Variants in GRIA3 observed in about 807,000 individuals in gnomAD.
GRIA3 encodes the protein glutamate ionotropic receptor AMPA type subunit 3.
Under a neutral mutation model 63.0 loss-of-function variants are expected in GRIA3, and 3 were observed. The ratio of observed to expected loss-of-function variants is 0.05; its 90% CI spans 0.02 to 0.12. GRIA3 has a LOEUF of 0.12. GRIA3 is among the 10% of genes least tolerant of loss of function. The probability of loss-of-function intolerance (pLI) is 1.00; values close to 1 mark genes in which losing one functional copy is unlikely to be tolerated. For missense variants in GRIA3, 347 were observed against 700.9 expected (o/e 0.50, Z 5.70); for synonymous variants, 274 against 257.9 (o/e 1.06, Z -0.60).
chrX:123,339,280 C>T (rs942530710), intron 4 of GRIA3, among the ~76,000 whole-genome samples: 5 of 111,776 alleles, frequency 4.5e-5, no homozygotes, highest in African/African-American at 1.3e-4. Context: ...TCTTCTCAAC[C>T]GCATGAAAAA....
In GRIA3 at chrX:123,209,513, T is replaced by C. The variant is rs375267476; in HGVS notation, c.268+23523T>C. On this transcript the variant is annotated intron_variant, in intron 2 of 15. Transcript: ENST00000620443. ...TCTTCTATGCAACTAACTACACAAC[T>C]GATTCTAGTACCAGCCAGGATATCA... Among the ~76,000 whole-genome samples the C allele has an allele frequency of 1.3e-4, 14 of 111,750 alleles. No individual in the cohort carries two copies. The East Asian group carries it at 2.5e-3, about 20-fold the overall frequency.
chrX:123,255,762 A>G (rs1250362724), intron 3 of GRIA3, among the ~76,000 whole-genome samples: 1 of 109,602 alleles, frequency 9.1e-6, no homozygotes, highest in Non-Finnish European at 1.9e-5. Context: ...ATGTAACTTT[A>G]TATTTTTCAC....
At chrX:123,471,171 T>C (rs1329376943) in intron 13 of GRIA3, among the ~76,000 whole-genome samples, 4 of 111,418 alleles carry the variant, frequency 3.6e-5, no homozygotes, top group African/African-American at 1.3e-4. Flanking sequence ...TACTCAGGTC[T>C]TCCTCCCAAG....
At chrX:123,251,709 C>T (rs2044391268) in intron 2 of GRIA3, among the ~76,000 whole-genome samples, 1 of 111,907 alleles carries the variant, frequency 8.9e-6, no homozygotes. Context: ...GCTGGGATTA[C>T]AGGCGTGAGC....
chrX:123,422,637 T>C (rs2045569365), intron 11 of GRIA3, among the ~76,000 whole-genome samples: 1 of 111,892 alleles, frequency 8.9e-6, no homozygotes, highest in Admixed American at 9.5e-5. Flanking sequence ...CTGGGGCAAA[T>C]CACTAAACCT....
intron 2 of GRIA3, among the ~76,000 whole-genome samples, chrX:123,251,647 G>A (rs2044390769): frequency 9.0e-6 from 1 of 111,245 alleles, no homozygotes; most frequent in South Asian, 3.9e-4. Context: ...TGTTAGCCAG[G>A]GTGGTCTCGA....
intron 5 of GRIA3, among the ~76,000 whole-genome samples, chrX:123,365,728 C>T (rs2045206160): frequency 9.0e-6 from 1 of 111,499 alleles, no homozygotes; most frequent in African/African-American, 3.3e-5. Flanking sequence ...ATGCTTGGGC[C>T]TCATACTCCG....
chrX:123,433,563 A>G (rs766302092), intron 12 of GRIA3, among the ~76,000 whole-genome samples: 10 of 112,145 alleles, frequency 8.9e-5, no homozygotes, highest in Non-Finnish European at 1.7e-4. Flanking sequence ...GTCTTACCCC[A>G]ATGCCGGATG....
intron 12 of GRIA3, among the ~76,000 whole-genome samples, chrX:123,443,206 C>A (rs2045685814): frequency 9.0e-6 from 1 of 111,677 alleles, no homozygotes; most frequent in Non-Finnish European, 1.9e-5. Flanking sequence ...AACAATAACA[C>A]ACCCTGAAAA....
At chrX:123,443,031 C>T (rs1201235284) in intron 12 of GRIA3, among the ~76,000 whole-genome samples, 3 of 110,334 alleles carry the variant, frequency 2.7e-5, no homozygotes, top group African/African-American at 9.9e-5. Context: ...AAAGGAAAAA[C>T]CTTTCCTCTA....
intron 5 of GRIA3, among the ~76,000 whole-genome samples, chrX:123,365,885 C>A (rs2147357365): frequency 8.9e-6 from 1 of 111,911 alleles, no homozygotes; most frequent in South Asian, 3.8e-4. Context: ...GGCAGAGCAG[C>A]CCCTAGGGCT....
At chrX:123,283,712 G>T in intron 3 of GRIA3, among the ~76,000 whole-genome samples, 1 of 112,548 alleles carries the variant, frequency 8.9e-6, no homozygotes, top group South Asian at 3.7e-4. Flanking sequence ...CCTTCTCTGG[G>T]CAGGGCATCT....
chrX:123,392,483 C>T (rs1337181395), intron 5 of GRIA3, among the ~76,000 whole-genome samples: 1 of 111,484 alleles, frequency 9.0e-6, no homozygotes, highest in African/African-American at 3.3e-5. Flanking sequence ...AGCTCCCTCT[C>T]TAGAGAAATG....
chrX:123,452,858 G>A lies in GRIA3; in HGVS notation c.2077-12007G>A, dbSNP rs148156681. Among the ~76,000 whole-genome samples the A allele has an allele frequency of 3.6e-3, 403 of 111,381 alleles. 1 individual carries two copies. Among genetic ancestry groups the A allele is most frequent in the African/African-American group, 0.012 (372 of 30,634 alleles). The stretch of plus-strand genomic sequence containing the variant: ...ATTTGAGGCTTTGCTCTAGTTAGTA[G>A]TGAAAGGGTGTGGCAGACACACTTT... On this transcript the variant is annotated intron_variant, in intron 12 of 15. Transcript: ENST00000620443.
intron 4 of GRIA3, among the ~76,000 whole-genome samples, chrX:123,338,565 T>G (rs1195864183): frequency 1.8e-5 from 2 of 112,208 alleles, no homozygotes; most frequent in Non-Finnish European, 3.8e-5. Flanking sequence ...TTTATTTATT[T>G]ATTGAGACAG....
At chrX:123,439,834 T>C (rs2045664079) in intron 12 of GRIA3, among the ~76,000 whole-genome samples, 1 of 110,958 alleles carries the variant, frequency 9.0e-6, no homozygotes, top group Admixed American at 9.6e-5. Flanking sequence ...TGTGAAGGTT[T>C]GTTATATAGG....
At chrX:123,485,838 G>A (rs186266067) in intron 15 of GRIA3, among the ~76,000 whole-genome samples, 1 of 110,943 alleles carries the variant, frequency 9.0e-6, no homozygotes, top group East Asian at 2.8e-4. Context: ...AAACATTAGT[G>A]TGCATGCAAC....
intron 5 of GRIA3, among the ~76,000 whole-genome samples, chrX:123,380,430 G>A (rs1296489645): frequency 5.4e-5 from 6 of 112,008 alleles, no homozygotes; most frequent in African/African-American, 1.9e-4. Context: ...TCTTTTGGCT[G>A]CATAAATGTC....
At chrX:123,209,646 T>A (rs1057345864) in intron 2 of GRIA3, among the ~76,000 whole-genome samples, 1 of 112,314 alleles carries the variant, frequency 8.9e-6, no homozygotes, top group Middle Eastern at 4.6e-3. Context: ...TTCAAACCTG[T>A]TTCAATTTAG....
Sources: allele counts gnomAD v4.1 joint callset (sites outside exome capture counted in the v4.1 genomes callset), GRCh38; gene constraint gnomAD v4.1.1; transcripts MANE v1.5; gene names NCBI Gene and HGNC (gene_info 2026-07-23, HGNC 2026-07-21).